WDR59: variants seen among roughly 807,000 people sequenced by gnomAD.
WDR59 encodes GATOR2 complex protein WDR59.
WDR59 carries 100 observed loss-of-function variants against 131.2 expected under a neutral mutation model. That is an observed-to-expected ratio of 0.76 (90% confidence interval 0.65 to 0.90). The LOEUF (loss-of-function observed/expected upper bound fraction) is 0.90, where lower values mean the gene tolerates loss of function less well. Ranked by LOEUF, WDR59 falls within the 40% of genes least tolerant of loss-of-function variation. The pLI is 0.00. For synonymous variants in WDR59, 601 were observed against 466.2 expected (o/e 1.29, Z -3.72); for missense variants, 1,203 against 1,262.2 (o/e 0.95, Z 0.71).
intron 18 of WDR59, among the ~76,000 whole-genome samples, chr16:74,896,362 G>A (rs950843835): frequency 6.6e-6 from 1 of 152,168 alleles, no homozygotes; most frequent in African/African-American, 2.4e-5. Flanking sequence ...AAGTGCAGTG[G>A]CTCACACCTG....
Position 74,939,653 on chromosome 16 carries a change from A to G in WDR59, c.535-1387T>C, listed in dbSNP as rs533825795. Among the ~76,000 whole-genome samples the G allele has an allele frequency of 1.3e-4, 20 of 152,252 alleles. No individual in the cohort carries two copies. In the South Asian group the frequency reaches 4.1e-3, roughly 32 times the overall value. The stretch of plus-strand genomic sequence containing the variant: ...TTCATTTATATTTTCTACAGAGAGC[A>G]TGTATTACTTCCATAATTAGCATTA... On this transcript the variant is annotated intron_variant, in intron 7 of 25. Coordinates refer to ENST00000262144, the MANE Select transcript of WDR59 (RefSeq NM_030581.4).
chr16:74,954,843 G>A (rs1211654697), intron 3 of WDR59, among the ~76,000 whole-genome samples: 1 of 152,176 alleles, frequency 6.6e-6, no homozygotes, highest in African/African-American at 2.4e-5. Flanking sequence ...ATTATGCTAA[G>A]TAAAAGAAGT....
At chr16:74,964,763 A>T (rs1436584058) in intron 2 of WDR59, among the ~76,000 whole-genome samples, 2 of 152,020 alleles carry the variant, frequency 1.3e-5, no homozygotes, top group Admixed American at 6.6e-5. Context: ...TCAAAAAAAA[A>T]TTTTTGGCTG....
intron 1 of WDR59, among the ~76,000 whole-genome samples, chr16:74,977,218 A>G (rs1209363785): frequency 6.6e-6 from 1 of 152,000 alleles, no homozygotes; most frequent in Non-Finnish European, 1.5e-5. Flanking sequence ...CTCCAGCCAC[A>G]GTAACAGCGA....
intron 17 of WDR59, chr16:74,908,693 T>C (rs1486636464): frequency 2.4e-6 from 1 of 421,980 alleles, no homozygotes; most frequent in Non-Finnish European, 4.2e-6. Flanking sequence ...TTTATCAAGC[T>C]ACCTCTTCTA....
At chr16:74,940,333 T>G (rs1016082938) in intron 7 of WDR59, among the ~76,000 whole-genome samples, 2 of 149,560 alleles carry the variant, frequency 1.3e-5, no homozygotes, top group African/African-American at 4.9e-5. Context: ...GAGCCAAGAA[T>G]GCGCCATTGC....
At chr16:74,927,683 A>AACACACACACACACACAC (rs61511176) in intron 8 of WDR59, among the ~76,000 whole-genome samples, 2 of 118,248 alleles carry the variant, frequency 1.7e-5, no homozygotes, top group South Asian at 5.0e-4. Flanking sequence ...CTCTTTAAAA[A>AACACACACACACACACAC]ACACACACAC....
At position 74,892,483 on chromosome 16, in the gene WDR59, C is replaced by T; in HGVS notation, c.2082+1G>A. ...TCTCCACCAAAAGGGATGGACAATACCTGGACAAGATCCTTTCTTCCAACG... is the reference window on the plus strand; with the variant it reads ...TCTCCACCAAAAGGGATGGACAATATCTGGACAAGATCCTTTCTTCCAACG... On this transcript the variant is annotated splice_donor_variant, in intron 20 of 25. Coordinates refer to ENST00000262144, the MANE Select transcript of WDR59 (RefSeq NM_030581.4). LOFTEE classifies it high-confidence loss of function. The T allele has an allele frequency of 6.2e-7, 1 of 1,613,326 alleles. No homozygotes were observed. Among genetic ancestry groups the T allele is most frequent in the Non-Finnish European group, 8.5e-7 (1 of 1,179,470 alleles).
chr16:74,938,474 T>C (rs972333709), intron 7 of WDR59, among the ~76,000 whole-genome samples: 2 of 152,140 alleles, frequency 1.3e-5, no homozygotes, highest in Non-Finnish European at 2.9e-5. Context: ...GCTCTGAAAA[T>C]GCGCCTGTGA....
At chr16:74,972,546 T>C (rs117769559) in intron 1 of WDR59, among the ~76,000 whole-genome samples, 2,822 of 152,144 alleles carry the variant, frequency 0.019, 37 homozygotes, top group Middle Eastern at 0.048. Flanking sequence ...TTAAAACTCA[T>C]GTCTAGGCCA....
Position 74,953,429 on chromosome 16 carries a change from C to T in WDR59, c.241-1886G>A, listed in dbSNP as rs185796993. 7.4e-5 allele frequency among the ~76,000 whole-genome samples: 11 copies of T among 149,150 alleles called. No homozygotes were observed. In the East Asian group the frequency reaches 2.0e-3, roughly 27 times the overall value. ...CAGAGGCTGCAATGAACTGAGATGGCGCCACTGCACTCCAGCCTGGGCAAC... is the reference window on the plus strand; with the variant it reads ...CAGAGGCTGCAATGAACTGAGATGGTGCCACTGCACTCCAGCCTGGGCAAC... On this transcript the variant is annotated intron_variant, in intron 3 of 25. Coordinates refer to ENST00000262144, the MANE Select transcript of WDR59 (RefSeq NM_030581.4).
At chr16:74,903,105 C>T (rs779604837) in intron 18 of WDR59, among the ~76,000 whole-genome samples, 1 of 152,154 alleles carries the variant, frequency 6.6e-6, no homozygotes, top group Non-Finnish European at 1.5e-5. Flanking sequence ...GAAGGAACTT[C>T]TAATACTTCC....
At chr16:74,877,301 A>G (rs990415259) in intron 25 of WDR59, among the ~76,000 whole-genome samples, 28 of 152,196 alleles carry the variant, frequency 1.8e-4, no homozygotes, top group Non-Finnish European at 4.4e-5. Context: ...TAAACGATAT[A>G]CACTTTAAGA....
At chr16:74,908,400 G>C (rs903307352) in intron 17 of WDR59, among the ~76,000 whole-genome samples, 1 of 152,174 alleles carries the variant, frequency 6.6e-6, no homozygotes, top group South Asian at 2.1e-4. Context: ...CTGGGTGACA[G>C]AGCCAGATCC....
intron 13 of WDR59, among the ~76,000 whole-genome samples, chr16:74,913,164 T>C (rs184732772): frequency 1.0e-3 from 155 of 152,180 alleles, no homozygotes; most frequent in Non-Finnish European, 1.8e-3. Flanking sequence ...AGCTACTTCT[T>C]GCAGGAGTCA....
chr16:74,897,510 A>G (rs952579646), intron 18 of WDR59, among the ~76,000 whole-genome samples: 3 of 152,220 alleles, frequency 2.0e-5, no homozygotes, highest in East Asian at 1.9e-4. Flanking sequence ...TGATTCTTCA[A>G]TGAATTATGA....
chr16:74,974,308 G>A (rs2034101005), intron 1 of WDR59, among the ~76,000 whole-genome samples: 1 of 152,092 alleles, frequency 6.6e-6, no homozygotes, highest in Non-Finnish European at 1.5e-5. Context: ...CTCCTCACCT[G>A]CAAAATGACA....
intron 18 of WDR59, among the ~76,000 whole-genome samples, chr16:74,895,105 G>A (rs1036114256): frequency 6.6e-6 from 1 of 152,112 alleles, no homozygotes; most frequent in Non-Finnish European, 1.5e-5. Flanking sequence ...CTTCCTATAG[G>A]GTTATCATGT....
intron 17 of WDR59, among the ~76,000 whole-genome samples, chr16:74,905,709 A>T (rs1230253667): frequency 1.3e-5 from 2 of 151,246 alleles, no homozygotes; most frequent in East Asian, 1.9e-4. Flanking sequence ...AATAAAAAAT[A>T]AAAAAATAAA....
Sources: allele counts gnomAD v4.1 joint callset (sites outside exome capture counted in the v4.1 genomes callset), GRCh38; gene constraint gnomAD v4.1.1; transcripts MANE v1.5; gene names NCBI Gene and HGNC (gene_info 2026-07-23, HGNC 2026-07-21).